The following LLGL2 variants were observed in gnomAD, a reference collection of about 807,000 sequenced individuals.
The protein encoded by LLGL2 is LLGL scribble cell polarity complex component 2.
In LLGL2, 81 loss-of-function variants were observed where a neutral mutation model predicts 123.2. The ratio of observed to expected loss-of-function variants is 0.66; its 90% CI spans 0.55 to 0.79. LLGL2 has a LOEUF of 0.79. Among genes scored for constraint, LLGL2 ranks in the 30% least tolerant of loss-of-function variants. The pLI, the probability that LLGL2 is intolerant of heterozygous loss-of-function variation, is 0.00. For missense variants in LLGL2, 1,273 were observed against 1,414.6 expected (o/e 0.90, Z 1.61); for synonymous variants, 577 against 594.1 (o/e 0.97, Z 0.42).
In LLGL2 at chr17:75,534,072, C is replaced by T. The variant is rs142996464; in HGVS notation, c.-31+8247C>T. On this transcript the variant is annotated intron_variant, in intron 1 of 25. Transcript: ENST00000392550. The stretch of plus-strand genomic sequence containing the variant: ...TGATTGGATGGGCTGGATGGCCTGC[C>T]CACGCCAGCCCCAGGCAGGTGGTCC... Among the ~76,000 whole-genome samples the T allele has an allele frequency of 1.2e-3, 182 of 152,376 alleles. 2 individuals are homozygous for T. The East Asian group carries it at 0.032, about 27-fold the overall frequency.
At chr17:75,554,456 T>G (rs1285797205) in intron 2 of LLGL2, among the ~76,000 whole-genome samples, 5 of 151,484 alleles carry the variant, frequency 3.3e-5, no homozygotes, top group Non-Finnish European at 7.4e-5. Flanking sequence ...TACCAAAAAT[T>G]AAAAAGTAGC....
chr17:75,534,620 A>G (rs1166645617), intron 1 of LLGL2, among the ~76,000 whole-genome samples: 3 of 152,128 alleles, frequency 2.0e-5, no homozygotes, highest in Non-Finnish European at 2.9e-5. Context: ...AGCTGGGACT[A>G]CAAGTGTATG....
chr17:75,571,336 C>G lies in LLGL2; in HGVS notation c.2176+236C>G, dbSNP rs538592515. 4.4e-5 allele frequency: 26 copies of G among 585,858 alleles called. No homozygotes were observed. The African/African-American group carries it at 4.5e-4, about 10-fold the overall frequency. The allele number at this position is 585,858 out of a possible 1,614,324, so 36.3% of individuals were successfully genotyped here. ...GTAGCACCCTTTAGAAGCATGGCCT[C>G]AGACCCATCACTTAGCCTTTCAGGG... On this transcript the variant is annotated intron_variant, in intron 17 of 25. Transcript: ENST00000392550.
At chr17:75,569,531 G>T (rs962699497) in intron 14 of LLGL2, among the ~76,000 whole-genome samples, 3 of 152,188 alleles carry the variant, frequency 2.0e-5, no homozygotes, top group African/African-American at 7.2e-5. Flanking sequence ...GGCCGGGCAC[G>T]GTGGCTCATG....
chr17:75,526,632 C>T lies in LLGL2; in HGVS notation c.-31+807C>T, dbSNP rs144872065. ...AGGTGAGCTTTGAGTGAGGAGGGCGCCCCTTCCCCTGGGGATCCGTATGCG... is the reference window on the plus strand; with the variant it reads ...AGGTGAGCTTTGAGTGAGGAGGGCGTCCCTTCCCCTGGGGATCCGTATGCG... On this transcript the variant is annotated intron_variant, in intron 1 of 25. Coordinates refer to ENST00000392550, the MANE Select transcript of LLGL2 (RefSeq NM_001031803.2). 1.7e-3 allele frequency among the ~76,000 whole-genome samples: 260 copies of T among 152,162 alleles called. 4 individuals are homozygous for T. The East Asian group carries it at 0.046, about 27-fold the overall frequency.
At chr17:75,537,708 A>C (rs1276343839) in intron 1 of LLGL2, among the ~76,000 whole-genome samples, 1 of 151,986 alleles carries the variant, frequency 6.6e-6, no homozygotes, top group Non-Finnish European at 1.5e-5. Flanking sequence ...AAAAAAAAAA[A>C]ATCCCTTAAA....
rs907294272 is a variant in LLGL2, at chr17:75,559,618, G to A, written c.530+208G>A. ...TTAGCATCATAGCACTAAAAAGGGG[G>A]CTTTGAGGGTCCCTCGTCTAAAGGC... On this transcript the variant is annotated intron_variant, in intron 6 of 25. Coordinates refer to ENST00000392550, the MANE Select transcript of LLGL2 (RefSeq NM_001031803.2). This position sits in a 1 kb window ranked among gnomAD's most constrained non-coding sequence, Gnocchi z 4.6. Among the ~76,000 whole-genome samples the A allele has an allele frequency of 2.2e-4, 34 of 152,208 alleles. No individual in the cohort carries two copies. Among genetic ancestry groups the A allele is most frequent in the African/African-American group, 7.7e-4 (32 of 41,452 alleles).
intron 2 of LLGL2, among the ~76,000 whole-genome samples, chr17:75,551,578 T>C (rs558142740): frequency 2.4e-4 from 37 of 152,138 alleles, no homozygotes; most frequent in Non-Finnish European, 7.4e-5. Context: ...ACCCTTTGTC[T>C]TCCTCTGAGT....
At position 75,564,818 on chromosome 17, in the gene LLGL2, C is replaced by A; in HGVS notation, c.1036+311C>A. ...GGTGGAGGTTGCAGCGAACCAGGATCATGCTACTGTACTCAGCCTGGGTGA... is the reference window on the plus strand; with the variant it reads ...GGTGGAGGTTGCAGCGAACCAGGATAATGCTACTGTACTCAGCCTGGGTGA... On this transcript the variant is annotated intron_variant, in intron 10 of 25. Transcript: ENST00000392550. The surrounding 1 kb of genome is among the most constrained non-coding windows in gnomAD (Gnocchi z 4.9). 27 of 243,566 alleles carry A rather than the reference C, an allele frequency of 1.1e-4. No homozygotes were observed. The highest frequency in any genetic ancestry group is 1.5e-4 in the Non-Finnish European group (19 of 128,278). 15.1% of individuals were successfully genotyped at this position (243,566 alleles called of 1,614,324 possible).
intron 21 of LLGL2, 48 bp downstream of exon 21, chr17:75,573,679 G>A (rs751424518): frequency 4.5e-6 from 5 of 1,102,830 alleles, no homozygotes; most frequent in Non-Finnish European, 2.4e-6. Context: ...GCCCCTCCCT[G>A]CCCTCTCTGA....
In LLGL2 at chr17:75,558,510, A is replaced by G. The variant is rs771332820; in HGVS notation, c.256-2A>G. The stretch of plus-strand genomic sequence containing the variant: ...CATGATCCCGTCGTGTGCCCTCGCC[A>G]GTGCCAGCTGGTCACCCTGCTGGAT... On this transcript the variant is annotated splice_acceptor_variant, in intron 4 of 25. Transcript: ENST00000392550. LOFTEE classifies it high-confidence loss of function. This position sits in a 1 kb window ranked among gnomAD's most constrained non-coding sequence, Gnocchi z 4.0. 2 of 1,584,658 alleles carry G rather than the reference A, an allele frequency of 1.3e-6. No individual in the cohort carries two copies. The highest frequency in any genetic ancestry group is 2.7e-5 in the African/African-American group (2 of 74,054).
chr17:75,564,586 G>T lies in LLGL2; in HGVS notation c.1036+79G>T. 6.3e-7 allele frequency: 1 copy of T among 1,582,578 alleles called. No individual in the cohort carries two copies. The highest frequency in any genetic ancestry group is 1.1e-5 in the South Asian group (1 of 88,206). On this transcript the variant is annotated intron_variant, in intron 10 of 25. Transcript: ENST00000392550. The surrounding 1 kb of genome is among the most constrained non-coding windows in gnomAD (Gnocchi z 4.9). ...AGGACCATCAGTAAAGACAGGGCCA[G>T]GTGCAGTGGCTCCTGCCTGTAACCC... is the stretch of plus-strand genomic sequence containing the variant.
At chr17:75,547,553 A>C (rs2147246619) in intron 2 of LLGL2, among the ~76,000 whole-genome samples, 1 of 152,328 alleles carries the variant, frequency 6.6e-6, no homozygotes, top group African/African-American at 2.4e-5. Flanking sequence ...GGCGGGGCGC[A>C]GTGGCTCATG....
At chr17:75,574,299 T>TGGGGGAGGGGGGGGG in intron 23 of LLGL2, 39 bp downstream of exon 23, 1 of 239,652 alleles carries the variant, frequency 4.2e-6, no homozygotes, top group Admixed American at 9.2e-5. Flanking sequence ...GCAGGAGGGG[T>TGGGGGAGGGGGGGGG]GGGGAAGGGG....
intron 21 of LLGL2, 25 bp downstream of exon 21, chr17:75,573,656 T>TGCCCCCCCCCCCCCCCC: frequency 2.5e-5 from 36 of 1,429,032 alleles, no homozygotes; most frequent in Admixed American, 4.2e-5. Flanking sequence ...CAGAGGCCTC[T>TGCCCCCCCCCCCCCCCC]CCCGCCCCTC....
chr17:75,539,155 C>A lies in LLGL2; in HGVS notation c.-30-4242C>A, dbSNP rs2054115291. On this transcript the variant is annotated intron_variant, in intron 1 of 25. Coordinates refer to ENST00000392550, the MANE Select transcript of LLGL2 (RefSeq NM_001031803.2). Reference sequence around the variant, plus strand: ...CTCACTGCAGCCTCAACTTCCCAGGCTCAGCAATCCTTCCACCTTAGCCTT... The same window carrying A: ...CTCACTGCAGCCTCAACTTCCCAGGATCAGCAATCCTTCCACCTTAGCCTT... 2.0e-5 allele frequency among the ~76,000 whole-genome samples: 3 copies of A among 151,994 alleles called. No individual in the cohort carries two copies. The South Asian group carries it at 6.2e-4, about 32-fold the overall frequency.
At chr17:75,547,491 TC>T (rs1239742802) in intron 2 of LLGL2, among the ~76,000 whole-genome samples, 1 of 152,202 alleles carries the variant, frequency 6.6e-6, no homozygotes, top group Non-Finnish European at 1.5e-5. Flanking sequence ...AAAACTGGCT[TC>T]CCTCCAGCCT....
In LLGL2 at chr17:75,571,935, G is replaced by C; in HGVS notation, c.2331G>C (p.Val777=). ...EIQLMHRAPV[V]GILVLDGHSV... is the part of the protein sequence containing the mutation. ...AGCTGATGCACCGGGCGCCGGTGGT[G>C]GGCATCCTGGTGCTCGACGGACACA... is the stretch of plus-strand genomic sequence containing the variant. Residue 777 remains valine (V), a synonymous_variant, in exon 19 of 26, where the codon GTG becomes GTC. Coordinates refer to ENST00000392550, the MANE Select transcript of LLGL2 (RefSeq NM_001031803.2). 1.2e-6 allele frequency: 2 copies of C among 1,612,554 alleles called. No homozygotes were observed. Among genetic ancestry groups the C allele is most frequent in the Non-Finnish European group, 1.7e-6 (2 of 1,180,002 alleles).
intron 1 of LLGL2, among the ~76,000 whole-genome samples, chr17:75,530,649 CA>C (rs35452644): frequency 0.61 from 84,035 of 137,122 alleles, 25,526 homozygotes; most frequent in Non-Finnish European, 0.7. Context: ...GACTCCATTT[CA>C]AAAAAAAAAA....
Sources: gnomAD v4.1 joint callset for allele counts (sites outside exome capture counted in the v4.1 genomes callset) on GRCh38, gnomAD v4.1.1 for gene constraint, Gnocchi (gnomAD v3.1) non-coding constraint, MANE v1.5 for transcripts, NCBI Gene and HGNC (gene_info 2026-07-23, HGNC 2026-07-21) for gene names.